Variants in GPR176 observed in about 807,000 individuals in gnomAD.
GPR176 encodes G protein-coupled receptor 176, also known as G-protein coupled receptor 176.
GPR176 carries 26 observed loss-of-function variants against 35.4 expected under a neutral mutation model. The ratio of observed to expected loss-of-function variants is 0.74; its 90% CI spans 0.54 to 1.02. The LOEUF (loss-of-function observed/expected upper bound fraction) is 1.02. Among genes scored for constraint, GPR176 ranks in the 50% least tolerant of loss-of-function variants. The pLI is 0.00. For missense variants in GPR176, 597 were observed against 665.3 expected, an observed-to-expected ratio of 0.90 and a Z score of 1.13; for synonymous variants, 278 against 271.3, an observed-to-expected ratio of 1.02 and a Z score of -0.24.
chr15:39,811,894 T>C (rs142212389), intron 1 of GPR176, among the ~76,000 whole-genome samples: 2,097 of 149,452 alleles, frequency 0.014, 65 homozygotes, highest in African/African-American at 0.049. Context: ...CCAGCCTGGG[T>C]GACAGAGCGA....
chr15:39,839,094 C>T (rs149688446), intron 1 of GPR176, among the ~76,000 whole-genome samples: 1,527 of 152,278 alleles, frequency 0.01, 25 homozygotes, highest in African/African-American at 0.035. Flanking sequence ...CCATCCTCAT[C>T]AAGCTACCAA....
At position 39,871,325 on chromosome 15, in the gene GPR176, A is replaced by G. The variant is rs552298759; in HGVS notation, c.172+48530T>C. Among the ~76,000 whole-genome samples, 3 of 152,318 alleles carry G rather than the reference A, an allele frequency of 2.0e-5. No homozygotes were observed. In the East Asian group the frequency reaches 5.8e-4, roughly 29 times the overall value. On this transcript the variant is annotated intron_variant, in intron 1 of 2. Transcript: ENST00000561100. ...GGTCTAATGGAGCAGTCAAAAAATAATATTTTGAGGTTCCAATCTGACATG... is the reference window on the plus strand; with the variant it reads ...GGTCTAATGGAGCAGTCAAAAAATAGTATTTTGAGGTTCCAATCTGACATG...
chr15:39,849,427 AT>A (rs2030698646), intron 1 of GPR176, among the ~76,000 whole-genome samples: 1 of 152,288 alleles, frequency 6.6e-6, no homozygotes, highest in East Asian at 1.9e-4. Context: ...GGAACACATC[AT>A]TTTATTAAGC....
chr15:39,873,250 C>A (rs2032115634), intron 1 of GPR176, among the ~76,000 whole-genome samples: 1 of 152,094 alleles, frequency 6.6e-6, no homozygotes, highest in Non-Finnish European at 1.5e-5. Flanking sequence ...CTCCCAAAGT[C>A]ATAAAGCTAG....
intron 1 of GPR176, among the ~76,000 whole-genome samples, chr15:39,850,730 A>C (rs1337035446): frequency 6.6e-6 from 1 of 152,184 alleles, no homozygotes; most frequent in Non-Finnish European, 1.5e-5. Context: ...ACATTGGGTT[A>C]AGAGTACATG....
chr15:39,888,282 G>GT (rs34625807), intron 1 of GPR176, among the ~76,000 whole-genome samples: 39 of 151,642 alleles, frequency 2.6e-4, no homozygotes, highest in Middle Eastern at 3.4e-3. Flanking sequence ...CTTTTTATTT[G>GT]TTTTTTTTGT....
At chr15:39,849,979 TG>T in intron 1 of GPR176, among the ~76,000 whole-genome samples, 1 of 15,354 alleles carries the variant, frequency 6.5e-5, no homozygotes, top group Non-Finnish European at 5.7e-4. Context: ...TACTGAATAC[TG>T]AAAGGCAATT....
chr15:39,830,058 C>T (rs1344991444), intron 1 of GPR176, among the ~76,000 whole-genome samples: 2 of 151,772 alleles, frequency 1.3e-5, no homozygotes, highest in African/African-American at 2.4e-5. Flanking sequence ...TTCAAATCAC[C>T]GTGTGTATTC....
At chr15:39,841,582 C>G (rs1310694657) in intron 1 of GPR176, among the ~76,000 whole-genome samples, 1 of 152,012 alleles carries the variant, frequency 6.6e-6, no homozygotes, top group Non-Finnish European at 1.5e-5. Flanking sequence ...CTGAGGAATG[C>G]CAGAGATTGC....
At chr15:39,838,551 C>A (rs1901549030) in intron 1 of GPR176, among the ~76,000 whole-genome samples, 1 of 151,942 alleles carries the variant, frequency 6.6e-6, no homozygotes, top group Non-Finnish European at 1.5e-5. Flanking sequence ...TAAACATAAC[C>A]CAGCATATAA....
At chr15:39,849,633 C>T (rs886932902) in intron 1 of GPR176, among the ~76,000 whole-genome samples, 10 of 152,128 alleles carry the variant, frequency 6.6e-5, no homozygotes, top group African/African-American at 1.2e-4. Context: ...TCTATTAACA[C>T]ACTAAAGAAG....
intron 1 of GPR176, among the ~76,000 whole-genome samples, chr15:39,818,033 G>A (rs1417436683): frequency 1.3e-5 from 2 of 152,204 alleles, no homozygotes; most frequent in East Asian, 3.8e-4. Flanking sequence ...TTGATTTGAG[G>A]ATTTTTGCTA....
At chr15:39,842,344 C>A (rs957826687) in intron 1 of GPR176, among the ~76,000 whole-genome samples, 1 of 152,088 alleles carries the variant, frequency 6.6e-6, no homozygotes, top group Non-Finnish European at 1.5e-5. Context: ...CTTGGGAGAA[C>A]TCTGTCACAA....
At chr15:39,895,283 GAGAGGAA>G (rs1566965990) in intron 1 of GPR176, among the ~76,000 whole-genome samples, 1 of 10,212 alleles carries the variant, frequency 9.8e-5, no homozygotes, top group Non-Finnish European at 2.3e-4. Flanking sequence ...AGACCGTGGG[GAGAGGAA>G]GAGGGGGAGG....
chr15:39,826,996 T>C (rs1900704050), intron 1 of GPR176, among the ~76,000 whole-genome samples: 1 of 152,202 alleles, frequency 6.6e-6, no homozygotes, highest in African/African-American at 2.4e-5. Flanking sequence ...ACGAGGTTCA[T>C]ACATTTGCAA....
chr15:39,857,378 C>G (rs535242609), intron 1 of GPR176, among the ~76,000 whole-genome samples: 1 of 152,190 alleles, frequency 6.6e-6, no homozygotes, highest in South Asian at 2.1e-4. Flanking sequence ...AAAGTGAAAG[C>G]CTTAAAAAGG....
At position 39,902,024 on chromosome 15, in the gene GPR176, C is replaced by G. The variant is rs1227807179; in HGVS notation, c.172+17831G>C. Among the ~76,000 whole-genome samples, 13 of 152,124 alleles carry G rather than the reference C, an allele frequency of 8.5e-5. No individual in the cohort carries two copies. In the South Asian group the frequency reaches 2.5e-3, roughly 29 times the overall value. ...GCTTGAACCCAGGAGGCAGAGGTTG[C>G]AGTGAGCCGAGATTGTGCCACTGCA... On this transcript the variant is annotated intron_variant, in intron 1 of 2. Transcript: ENST00000561100.
At chr15:39,874,532 A>G (rs1452767460) in intron 1 of GPR176, among the ~76,000 whole-genome samples, 2 of 152,220 alleles carry the variant, frequency 1.3e-5, no homozygotes, top group African/African-American at 4.8e-5. Flanking sequence ...AGTAGTTTAC[A>G]TGTGTTACAT....
At chr15:39,811,547 G>C (rs895858230) in intron 1 of GPR176, among the ~76,000 whole-genome samples, 2 of 151,954 alleles carry the variant, frequency 1.3e-5, no homozygotes, top group Non-Finnish European at 2.9e-5. Context: ...TTTACCAGTT[G>C]AGCACCTCAA....
Sources: gnomAD v4.1 joint callset for allele counts (sites outside exome capture counted in the v4.1 genomes callset) on GRCh38, gnomAD v4.1.1 for gene constraint, MANE v1.5 for transcripts, NCBI Gene and HGNC (gene_info 2026-07-23, HGNC 2026-07-21) for gene names.